The following KIF21A variants were observed in gnomAD, a reference collection of about 807,000 sequenced individuals.
The protein encoded by KIF21A is kinesin family member 21A, also known as kinesin-like protein KIF21A.
KIF21A carries 114 observed loss-of-function variants against 202.9 expected under a neutral mutation model. The ratio of observed to expected loss-of-function variants is 0.56; its 90% CI spans 0.48 to 0.66. The LOEUF is 0.66. Ranked by LOEUF, KIF21A falls within the 30% of genes least tolerant of loss-of-function variation. The pLI, the probability that KIF21A is intolerant of heterozygous loss-of-function variation, is 0.00. For missense variants in KIF21A, 1,677 were observed against 1,994.9 expected (o/e 0.84, Z 3.04); for synonymous variants, 667 against 670.8 (o/e 0.99, Z 0.09).
At chr12:39,353,202 G>A (rs1948529079) in intron 10 of KIF21A, among the ~76,000 whole-genome samples, 1 of 152,056 alleles carries the variant, frequency 6.6e-6, no homozygotes, top group South Asian at 2.1e-4. Flanking sequence ...TCTTGAAATA[G>A]TTGAGACAGA....
In KIF21A at chr12:39,330,868, T is replaced by C; in HGVS notation, c.3197A>G (p.Glu1066Gly). The C allele has an allele frequency of 6.2e-7, 1 of 1,614,016 alleles. No homozygotes were observed. The highest frequency in any genetic ancestry group is 8.5e-7 in the Non-Finnish European group (1 of 1,179,898). Residue 1066 changes from glutamate to glycine, a missense_variant, in exon 23 of 38, where the codon GAA becomes GGA. By Grantham distance (98) the Glu-to-Gly change is moderately conservative (BLOSUM62 -2). This residue lies in a region of KIF21A where 705 missense variants were observed against 791.9 expected (regional missense o/e 0.89). Transcript: ENST00000361418. ...AQKEAQIKVLEGRLKQTEITS... is the reference protein window; with the variant it reads ...AQKEAQIKVLGGRLKQTEITS... ...TATTTCTGTTTGTTTGAGTCGACCT[T>C]CCAGTACTTTAATTTGAGCCTCTTT... is the stretch of plus-strand genomic sequence containing the variant.
rs923812454 is a variant in KIF21A, at chr12:39,358,086, T to A, written c.1215+92A>T. 27 of 1,101,838 alleles carry A rather than the reference T, an allele frequency of 2.5e-5. No individual in the cohort carries two copies. In the East Asian group the frequency reaches 6.1e-4, roughly 25 times the overall value. 68.3% of individuals were successfully genotyped at this position (1,101,838 alleles called of 1,614,324 possible). ...GACACTATTATGACAACCAAGAGAT[T>A]CCAGAAACACGTATGTGTAAGGCAT... On this transcript the variant is annotated intron_variant, in intron 8 of 37. Transcript: ENST00000361418.
intron 34 of KIF21A, among the ~76,000 whole-genome samples, chr12:39,307,104 A>G (rs1943549235): frequency 6.6e-6 from 1 of 152,092 alleles, no homozygotes; most frequent in Admixed American, 6.5e-5. Context: ...AATACTTCAT[A>G]GTTTACATAT....
At chr12:39,393,693 A>T (rs1237256877) in intron 1 of KIF21A, among the ~76,000 whole-genome samples, 8 of 152,220 alleles carry the variant, frequency 5.3e-5, no homozygotes. Context: ...CTTTCCCAAA[A>T]GTATTAAGAG....
In KIF21A at chr12:39,438,800, C is replaced by A. The variant is rs143766762; in HGVS notation, c.44+4127G>T. Among the ~76,000 whole-genome samples, 12 of 152,220 alleles carry A rather than the reference C, an allele frequency of 7.9e-5. No homozygotes were observed. The East Asian group carries it at 2.3e-3, about 29-fold the overall frequency. ...AAGTTCTTGGAAAGGAAAAACATTT[C>A]AAAGTTATCGTGTCAGAAGAGATAA... On this transcript the variant is annotated intron_variant, in intron 1 of 37. Coordinates refer to ENST00000361418, the MANE Select transcript of KIF21A (RefSeq NM_001173464.2).
intron 31 of KIF21A, among the ~76,000 whole-genome samples, chr12:39,313,736 A>G (rs1417567144): frequency 1.3e-5 from 2 of 151,926 alleles, no homozygotes; most frequent in East Asian, 3.8e-4. Flanking sequence ...ATGCCGACTC[A>G]CTATCAATGA....
intron 31 of KIF21A, chr12:39,312,427 T>C (rs923287193): frequency 6.6e-6 from 1 of 151,672 alleles, no homozygotes; most frequent in East Asian, 1.9e-4. Context: ...ACAAAAATAA[T>C]AGAAAGAATA....
intron 1 of KIF21A, among the ~76,000 whole-genome samples, chr12:39,383,891 C>A (rs929584858): frequency 1.3e-5 from 2 of 152,130 alleles, no homozygotes; most frequent in Non-Finnish European, 1.5e-5. Context: ...TTAATGTGTA[C>A]ATGAATTACT....
intron 1 of KIF21A, among the ~76,000 whole-genome samples, chr12:39,379,118 C>T (rs1302219167): frequency 6.6e-6 from 1 of 151,838 alleles, no homozygotes; most frequent in Non-Finnish European, 1.5e-5. Flanking sequence ...GATCACAAGG[C>T]CATGAGTTCG....
intron 1 of KIF21A, among the ~76,000 whole-genome samples, chr12:39,440,322 C>A (rs1282186391): frequency 6.6e-6 from 1 of 152,206 alleles, no homozygotes; most frequent in Admixed American, 6.5e-5. Flanking sequence ...ACTTGGGCTA[C>A]TGAGTCAAGC....
In KIF21A at chr12:39,332,913, C is replaced by T. The variant is rs781262318; in HGVS notation, c.2682G>A (p.Thr894=). 59 of 1,613,666 alleles carry T rather than the reference C, an allele frequency of 3.7e-5. No individual in the cohort carries two copies. The highest frequency in any genetic ancestry group is 4.1e-5 in the Non-Finnish European group (48 of 1,179,978). The change falls in exon 19 of 38, where the codon ACG becomes ACA. Residue 894 remains threonine (T), a synonymous_variant. Coordinates refer to ENST00000361418, the MANE Select transcript of KIF21A (RefSeq NM_001173464.2). ...TAGACCTGTTTCCATTTGTTGCCGG[C>T]GTTGGTAAGGCCTGGACTCTCGCCA... ...IPVARVQALP[T]PATNGNRKKY...
chr12:39,342,879 T>C (rs1342202980), intron 12 of KIF21A, among the ~76,000 whole-genome samples: 1 of 152,186 alleles, frequency 6.6e-6, no homozygotes, highest in Non-Finnish European at 1.5e-5. Context: ...TACCAGGGAA[T>C]GATTATAGCT....
At chr12:39,394,930 C>A (rs774933669) in intron 1 of KIF21A, among the ~76,000 whole-genome samples, 1 of 152,184 alleles carries the variant, frequency 6.6e-6, no homozygotes, top group Non-Finnish European at 1.5e-5. Context: ...GCTCCGTTAA[C>A]GAGAAATGCT....
Position 39,335,951 on chromosome 12 carries a change from A to G in KIF21A, c.2418+1145T>C, listed in dbSNP as rs192768420. Among the ~76,000 whole-genome samples, 25 of 152,316 alleles carry G rather than the reference A, an allele frequency of 1.6e-4. No homozygotes were observed. In the East Asian group the frequency reaches 4.4e-3, roughly 27 times the overall value. The stretch of plus-strand genomic sequence containing the variant: ...CTTTTCTCTATCCCCTTTCCTCTTT[A>G]CATTCCAAAATAAATTTCCATTTTC... On this transcript the variant is annotated intron_variant, in intron 17 of 37. Transcript: ENST00000361418.
At chr12:39,355,707 T>TTATATATATATACATATATATATATA (rs1555172724) in intron 10 of KIF21A, among the ~76,000 whole-genome samples, 3 of 101,240 alleles carry the variant, frequency 3.0e-5, no homozygotes, top group Admixed American at 9.3e-5. Context: ...GCATGAACAA[T>TTATATATATATACATATATATATATA]TATATATATA....
chr12:39,357,811 G>C (rs1390430641), intron 8 of KIF21A, among the ~76,000 whole-genome samples: 1 of 149,626 alleles, frequency 6.7e-6, no homozygotes, highest in Admixed American at 6.7e-5. Context: ...TCAAGAGGCT[G>C]AGACAGGAGA....
At chr12:39,375,243 G>T (rs1016025096) in intron 1 of KIF21A, among the ~76,000 whole-genome samples, 1 of 152,088 alleles carries the variant, frequency 6.6e-6, no homozygotes, top group East Asian at 1.9e-4. Context: ...AAAGTATTTT[G>T]GGGGAAAGGC....
At chr12:39,441,659 G>GAAAAAAA (rs1939597826) in intron 1 of KIF21A, among the ~76,000 whole-genome samples, 1 of 1,168 alleles carries the variant, frequency 8.6e-4, no homozygotes. Context: ...TCCCTGGGTG[G>GAAAAAAA]TAAAAAAAAA....
At chr12:39,438,376 T>C (rs1469630622) in intron 1 of KIF21A, among the ~76,000 whole-genome samples, 1 of 152,132 alleles carries the variant, frequency 6.6e-6, no homozygotes, top group Non-Finnish European at 1.5e-5. Flanking sequence ...ACAACTAAAA[T>C]CATATTTAAC....
Sources: allele counts gnomAD v4.1 joint callset (sites outside exome capture counted in the v4.1 genomes callset), GRCh38; gene constraint gnomAD v4.1.1; regional missense constraint gnomAD v4.1.1; transcripts MANE v1.5; gene names NCBI Gene and HGNC (gene_info 2026-07-23, HGNC 2026-07-21).